SLC71A2: variants seen among roughly 807,000 people sequenced by gnomAD.
The protein encoded by SLC71A2 is solute carrier family 71 member 2.
At chr9:94,375,005 C>G in the SLC71A2 span, 1 of 1,008,924 alleles carries the variant, frequency 9.9e-7, no homozygotes, top group Non-Finnish European at 1.3e-6. Context: ...CGCGAGCCCG[C>G]CGCTCCGGGC....
At chr9:94,416,757 G>A in the SLC71A2 span, among the ~76,000 whole-genome samples, 1 of 151,910 alleles carries the variant, frequency 6.6e-6, no homozygotes, top group African/African-American at 2.4e-5. Flanking sequence ...AGGATTCTGA[G>A]GCAGGAGAAT....
chr9:94,451,313 T>C, the SLC71A2 span: 3 of 431,108 alleles, frequency 7.0e-6, no homozygotes, highest in Non-Finnish European at 1.2e-5. Context: ...AAATTACTGG[T>C]TATATAGGTT....
chr9:94,458,256 G>A, the SLC71A2 span: 2 of 1,452,658 alleles, frequency 1.4e-6, no homozygotes, highest in Admixed American at 2.1e-5. Context: ...AGAAAGTACT[G>A]TGCAGCTCCA....
At chr9:94,395,606 C>T in the SLC71A2 span, among the ~76,000 whole-genome samples, 1 of 152,144 alleles carries the variant, frequency 6.6e-6, no homozygotes, top group South Asian at 2.1e-4. Flanking sequence ...TGTAGCATAT[C>T]ATTACACAGC....
the SLC71A2 span, chr9:94,438,604 C>T: frequency 6.3e-7 from 1 of 1,576,608 alleles, no homozygotes; most frequent in Non-Finnish European, 8.6e-7. Flanking sequence ...TTGCAGAGCA[C>T]TTCTTAACTA....
chr9:94,418,581 G>A, the SLC71A2 span, among the ~76,000 whole-genome samples: 5 of 151,804 alleles, frequency 3.3e-5, no homozygotes, highest in Admixed American at 3.3e-4. Context: ...GACTATAGGT[G>A]TGTGCCACCA....
At chr9:94,451,316 T>C in the SLC71A2 span, 8 of 438,696 alleles carry the variant, frequency 1.8e-5, no homozygotes, top group Non-Finnish European at 3.2e-5. Flanking sequence ...TTACTGGTTA[T>C]ATAGGTTCAG....
chr9:94,451,844 G>C, the SLC71A2 span, among the ~76,000 whole-genome samples: 1 of 152,194 alleles, frequency 6.6e-6, no homozygotes, highest in Non-Finnish European at 1.5e-5. Context: ...TGACCAGGCA[G>C]CCCAGCCTGG....
the SLC71A2 span, among the ~76,000 whole-genome samples, chr9:94,388,960 C>G: frequency 1.3e-5 from 2 of 152,158 alleles, no homozygotes; most frequent in Non-Finnish European, 2.9e-5. Context: ...GACCTATCTT[C>G]CGTCCTTCGC....
chr9:94,456,523 A>G, the SLC71A2 span, among the ~76,000 whole-genome samples: 2 of 152,298 alleles, frequency 1.3e-5, no homozygotes, highest in East Asian at 3.9e-4. Context: ...TCTTACACTT[A>G]TATTTTTTAA....
the SLC71A2 span, chr9:94,459,930 G>A: frequency 2.0e-5 from 3 of 153,498 alleles, no homozygotes; most frequent in African/African-American, 7.2e-5. Context: ...GGGATCTACT[G>A]TCTTTGTTCA....
chr9:94,388,900 A>C, the SLC71A2 span, among the ~76,000 whole-genome samples: 2 of 152,182 alleles, frequency 1.3e-5, no homozygotes, highest in Non-Finnish European at 2.9e-5. Context: ...TGCCTCACAG[A>C]CTTCCTGGTC....
chr9:94,450,179 T>A, the SLC71A2 span, among the ~76,000 whole-genome samples: 1 of 152,218 alleles, frequency 6.6e-6, no homozygotes, highest in Non-Finnish European at 1.5e-5. Context: ...CCTACACACT[T>A]AAATGGGTGA....
chr9:94,431,753 C>A, the SLC71A2 span, among the ~76,000 whole-genome samples: 907 of 134,124 alleles, frequency 6.8e-3, 7 homozygotes, highest in African/African-American at 0.026. Flanking sequence ...ATTTGGACCA[C>A]CCCCACCAAC....
the SLC71A2 span, among the ~76,000 whole-genome samples, chr9:94,409,154 T>TTTG: frequency 7.1e-6 from 1 of 140,436 alleles, no homozygotes; most frequent in Non-Finnish European, 1.6e-5. Context: ...TTTTTTTTTT[T>TTTG]TTAAGGCAAG....
chr9:94,443,465 C>A, the SLC71A2 span, among the ~76,000 whole-genome samples: 1 of 152,168 alleles, frequency 6.6e-6, no homozygotes, highest in Admixed American at 6.5e-5. Flanking sequence ...ACTCAGACTT[C>A]TTCAGTAAAC....
At chr9:94,374,948 C>G in the SLC71A2 span, 3 of 1,257,790 alleles carry the variant, frequency 2.4e-6, no homozygotes, top group South Asian at 2.7e-5. Flanking sequence ...GCGCGGGGCC[C>G]GGCTGCCTGA....
chr9:94,417,236 CTG>C, the SLC71A2 span, among the ~76,000 whole-genome samples: 1 of 152,132 alleles, frequency 6.6e-6, no homozygotes, highest in Non-Finnish European at 1.5e-5. Flanking sequence ...ACCATTTTCA[CTG>C]TTTTGAAGTA....
At chr9:94,433,889 A>G in the SLC71A2 span, among the ~76,000 whole-genome samples, 6 of 152,226 alleles carry the variant, frequency 3.9e-5, no homozygotes, top group African/African-American at 1.4e-4. Context: ...CAAAATGGAA[A>G]GTAGTTAAAA....
Sources: gnomAD v4.1 joint callset for allele counts (sites outside exome capture counted in the v4.1 genomes callset) on GRCh38, gnomAD v4.1.1 for gene constraint, MANE v1.5 for transcripts, NCBI Gene and HGNC (gene_info 2026-07-23, HGNC 2026-07-21) for gene names.